Variants in SEC24C observed in about 807,000 individuals in gnomAD.
SEC24C encodes the protein protein transport protein Sec24C.
In SEC24C, 22 loss-of-function variants were observed where a neutral mutation model predicts 117.0. The observed-to-expected ratio is 0.19, with a 90% CI of 0.13 to 0.27. The LOEUF (loss-of-function observed/expected upper bound fraction) is 0.27. Among genes scored for constraint, SEC24C ranks in the 10% least tolerant of loss-of-function variants. The pLI is 1.00. For synonymous variants in SEC24C, 506 were observed against 529.4 expected (o/e 0.96, Z 0.61); for missense variants, 1,155 against 1,375.1 (o/e 0.84, Z 2.53).
At position 73,769,164 on chromosome 10, in the gene SEC24C, G is replaced by A. The variant is rs2082932826; in HGVS notation, c.2424+12G>A. ...GAGCTCTCCTGCAGGTGGCAGGCGG[G>A]AGGCGGGGCTGGGCAGGAAGTGTTT... On this transcript the variant is annotated intron_variant, in intron 17 of 22. Transcript: ENST00000345254. The surrounding 1 kb of genome is among the most constrained non-coding windows in gnomAD (Gnocchi z 4.5). The A allele has an allele frequency of 6.2e-7, 1 of 1,613,794 alleles. No homozygotes were observed. The highest frequency in any genetic ancestry group is 8.5e-7 in the Non-Finnish European group (1 of 1,179,934).
rs1031133624 is a variant in SEC24C at position 73,771,411 on chromosome 10, T to C, written c.*316T>C. On this transcript the variant is annotated 3_prime_UTR_variant, in exon 23 of 23. Coordinates refer to ENST00000345254, the MANE Select transcript of SEC24C (RefSeq NM_198597.3). ...GGAGGCACCCAGACCCTGGCAATAT[T>C]ATGTGTCCCTTTGGACCAGTCTCCC... 2.1e-5 allele frequency: 6 copies of C among 291,572 alleles called. No homozygotes were observed. Among genetic ancestry groups the C allele is most frequent in the Admixed American group, 4.8e-5 (1 of 20,622 alleles). The allele number at this position is 291,572 out of a possible 1,614,324, so 18.1% of individuals were successfully genotyped here.
At position 73,767,850 on chromosome 10, in the gene SEC24C, C is replaced by T; in HGVS notation, c.2024C>T (p.Pro675Leu). The change falls in exon 15 of 23, where the codon CCT becomes CTT. Residue 675 changes from proline (P) to leucine (L), a missense_variant. Coordinates refer to ENST00000345254, the MANE Select transcript of SEC24C (RefSeq NM_198597.3). ...NTDKEKTLFQ[P>L]QTGAYQTLAK... is the part of the protein sequence containing the mutation. ...CTTTCCCCCTAGACTCTGTTCCAGC[C>T]TCAGACAGGTGCCTATCAGACCCTG... The T allele has an allele frequency of 6.2e-7, 1 of 1,611,118 alleles. No homozygotes were observed. Among genetic ancestry groups the T allele is most frequent in the African/African-American group, 1.3e-5 (1 of 74,992 alleles).
Position 73,769,744 on chromosome 10 carries a change from T to G in SEC24C, c.2682+11T>G. On this transcript the variant is annotated intron_variant, in intron 19 of 22. Transcript: ENST00000345254. The surrounding 1 kb of genome is among the most constrained non-coding windows in gnomAD (Gnocchi z 4.5). ...TCCTCTGCAGGACAGGTGGGGCAAG[T>G]ATATTAGTGGGAGGTGGGGTTGTTG... 2 of 1,613,296 alleles carry G rather than the reference T, an allele frequency of 1.2e-6. No individual in the cohort carries two copies. The highest frequency in any genetic ancestry group is 1.7e-6 in the Non-Finnish European group (2 of 1,179,262).
In SEC24C at chr10:73,770,741, C is replaced by G. The variant is rs148984652; in HGVS notation, c.3087C>G (p.Ser1029=). The G allele has an allele frequency of 1.2e-6, 2 of 1,613,924 alleles. No individual in the cohort carries two copies. Among genetic ancestry groups the G allele is most frequent in the Non-Finnish European group, 1.7e-6 (2 of 1,180,026 alleles). Residue 1029 remains serine (S), a synonymous_variant, in exon 22 of 23, where the codon TCC becomes TCG. Coordinates refer to ENST00000345254, the MANE Select transcript of SEC24C (RefSeq NM_198597.3). ...SVLPVLDNPL[S]KKVRGLIDSL... ...TGCCAGTTCTGGATAATCCACTGTC[C>G]AAGAAGGTTCGAGGCCTCATTGATA...
Position 73,747,006 on chromosome 10 carries a change from T to C in SEC24C, c.172+2T>C. 1 of 1,610,124 alleles carries C rather than the reference T, an allele frequency of 6.2e-7. No individual in the cohort carries two copies. Among genetic ancestry groups the C allele is most frequent in the Non-Finnish European group, 8.5e-7 (1 of 1,177,902 alleles). ...GCTATCAGCAAACACCTCCCCAAGG[T>C]ATGTTTCTGTTTCTGTTTCCTTTGA... On this transcript the variant is annotated splice_donor_variant, in intron 2 of 22. Transcript: ENST00000345254. LOFTEE classifies it high-confidence loss of function.
At position 73,761,529 on chromosome 10, in the gene SEC24C, T is replaced by G. The variant is rs187749050; in HGVS notation, c.987+680T>G. On this transcript the variant is annotated intron_variant, in intron 6 of 22. Coordinates refer to ENST00000345254, the MANE Select transcript of SEC24C (RefSeq NM_198597.3). ...TGCCAAGTAGGGGCCACTTTATAGT[T>G]CCACCTGTAACATTTGCTATGTCAG... Among the ~76,000 whole-genome samples the G allele has an allele frequency of 2.0e-5, 3 of 152,298 alleles. No individual in the cohort carries two copies. In the East Asian group the frequency reaches 5.8e-4, roughly 29 times the overall value.
Position 73,769,262 on chromosome 10 carries a change from C to A in SEC24C, c.2425-85C>A. ...AAGAAGAGACAGGGCACGGGAGTGGCTCATTTCTCTCTTCCAGTTTAATAG... is the reference window on the plus strand; with the variant it reads ...AAGAAGAGACAGGGCACGGGAGTGGATCATTTCTCTCTTCCAGTTTAATAG... On this transcript the variant is annotated intron_variant, in intron 17 of 22. Transcript: ENST00000345254. This position sits in a 1 kb window ranked among gnomAD's most constrained non-coding sequence, Gnocchi z 4.5. The A allele has an allele frequency of 6.3e-7, 1 of 1,587,566 alleles. No homozygotes were observed. Among genetic ancestry groups the A allele is most frequent in the South Asian group, 1.1e-5 (1 of 87,848 alleles).
In SEC24C at chr10:73,771,187, A is replaced by G. The variant is rs547137779; in HGVS notation, c.*92A>G. The G allele has an allele frequency of 4.8e-5, 69 of 1,434,936 alleles. 1 individual carries two copies. In the South Asian group the frequency reaches 8.2e-4, roughly 17 times the overall value. The allele number at this position is 1,434,936 out of a possible 1,614,324, so 88.9% of individuals were successfully genotyped here. ...TTGGGACAGTAACATATCTTATGTA[A>G]GCTGACCTCAGTCTCTCTGGGGGGA... On this transcript the variant is annotated 3_prime_UTR_variant, in exon 23 of 23. Coordinates refer to ENST00000345254, the MANE Select transcript of SEC24C (RefSeq NM_198597.3).
At chr10:73,744,652 A>G (rs902286888) in intron 1 of SEC24C, among the ~76,000 whole-genome samples, 10 of 152,052 alleles carry the variant, frequency 6.6e-5, no homozygotes, top group Non-Finnish European at 1.5e-4. Flanking sequence ...TCCTGCCCCG[A>G]GCCTGTTAAA....
At position 73,770,031 on chromosome 10, in the gene SEC24C, G is replaced by A; in HGVS notation, c.2862+16G>A. The A allele has an allele frequency of 6.2e-7, 1 of 1,613,078 alleles. No individual in the cohort carries two copies. The highest frequency in any genetic ancestry group is 1.1e-5 in the South Asian group (1 of 90,976). On this transcript the variant is annotated intron_variant, in intron 20 of 22. Transcript: ENST00000345254. ...CTTACCTTTGGTGCGATTGAGGGTT[G>A]GAGTATGAGATCTTGCACGGAGCAA...
At chr10:73,747,130 T>C (rs965185234) in intron 2 of SEC24C, 126 bp downstream of exon 2, 1 of 867,414 alleles carries the variant, frequency 1.2e-6, no homozygotes, top group Non-Finnish European at 1.6e-6. Context: ...AACATAAATC[T>C]GGCCCTGTGT....
intron 2 of SEC24C, among the ~76,000 whole-genome samples, chr10:73,749,646 C>A (rs1240383789): frequency 1.3e-5 from 2 of 151,738 alleles, no homozygotes; most frequent in Admixed American, 1.3e-4. Flanking sequence ...CGGGTTCAAG[C>A]AGTTCTCCTG....
intron 3 of SEC24C, among the ~76,000 whole-genome samples, chr10:73,756,408 C>T (rs76956798): frequency 1.3e-5 from 2 of 151,930 alleles, no homozygotes; most frequent in Non-Finnish European, 2.9e-5. Context: ...ATAAGGAGTG[C>T]TGTTTCTCTC....
At chr10:73,764,545 A>C (rs2082851342) in intron 8 of SEC24C, among the ~76,000 whole-genome samples, 1 of 150,242 alleles carries the variant, frequency 6.7e-6, no homozygotes. Context: ...AAAAAACAAG[A>C]GGTAGGGCCA....
chr10:73,747,780 C>T (rs2082580455), intron 2 of SEC24C, among the ~76,000 whole-genome samples: 1 of 151,898 alleles, frequency 6.6e-6, no homozygotes, highest in South Asian at 2.1e-4. Context: ...CTGCCTCAGC[C>T]TCCCGAATAA....
intron 1 of SEC24C, among the ~76,000 whole-genome samples, chr10:73,745,101 C>T (rs535100804): frequency 6.6e-6 from 1 of 152,160 alleles, no homozygotes; most frequent in Non-Finnish European, 1.5e-5. Context: ...GGTGGCCCTT[C>T]TAGCAAAGGG....
At chr10:73,768,147 G>A in intron 15 of SEC24C, 140 bp downstream of exon 15, 1 of 712,030 alleles carries the variant, frequency 1.4e-6, no homozygotes, top group Non-Finnish European at 2.2e-6. Flanking sequence ...ACTTTGGGAG[G>A]CTGAGGCAGG....
intron 10 of SEC24C, 39 bp downstream of exon 10, chr10:73,765,954 A>G (rs2082875953): frequency 1.9e-6 from 3 of 1,592,254 alleles, no homozygotes; most frequent in Non-Finnish European, 2.6e-6. Context: ...TGAGTGGAGG[A>G]TAATGAGACA....
At chr10:73,748,084 C>T (rs1485912355) in intron 2 of SEC24C, among the ~76,000 whole-genome samples, 1 of 152,168 alleles carries the variant, frequency 6.6e-6, no homozygotes, top group Non-Finnish European at 1.5e-5. Flanking sequence ...CTTCAGCCAC[C>T]ACGCCCGGCC....
Sources: gnomAD v4.1 joint callset for allele counts (sites outside exome capture counted in the v4.1 genomes callset) on GRCh38, gnomAD v4.1.1 for gene constraint, Gnocchi (gnomAD v3.1) non-coding constraint, MANE v1.5 for transcripts, NCBI Gene and HGNC (gene_info 2026-07-23, HGNC 2026-07-21) for gene names.